Variants in TP53BP1 observed in about 807,000 individuals in gnomAD.
The protein encoded by TP53BP1 is TP53-binding protein 1.
Under a neutral mutation model 200.8 loss-of-function variants are expected in TP53BP1, and 61 were observed. The ratio of observed to expected loss-of-function variants is 0.30; its 90% confidence interval spans 0.25 to 0.38. The LOEUF (loss-of-function observed/expected upper bound fraction) is 0.38, where lower values mean the gene tolerates loss of function less well. Among genes scored for constraint, TP53BP1 ranks in the 10% least tolerant of loss-of-function variants. The pLI is 1.00. For synonymous variants in TP53BP1, 822 were observed against 844.3 expected (o/e 0.97, Z 0.46); for missense variants, 2,144 against 2,371.9 (o/e 0.90, Z 2.00).
intron 1 of TP53BP1, among the ~76,000 whole-genome samples, chr15:43,501,503 C>T (rs564347375): frequency 2.0e-5 from 3 of 152,096 alleles, no homozygotes; most frequent in East Asian, 1.9e-4. Flanking sequence ...CATGGGCCAC[C>T]GTGCTTGGCC....
chr15:43,446,329 T>C, intron 14 of TP53BP1, 58 bp downstream of exon 14: 2 of 1,301,426 alleles, frequency 1.5e-6, no homozygotes, highest in African/African-American at 1.5e-5. Flanking sequence ...TAGATTATAA[T>C]CAATACTCCC....
At chr15:43,413,912 CAT>C in intron 23 of TP53BP1, 1 of 343,272 alleles carries the variant, frequency 2.9e-6, no homozygotes, top group Admixed American at 4.6e-5. Flanking sequence ...TGTTTTTACA[CAT>C]AGATGGTGCC....
rs976239551 is a variant in TP53BP1, at chr15:43,408,788, A to G, written c.5600+109T>C. On this transcript the variant is annotated intron_variant, in intron 26 of 27. Transcript: ENST00000382044. ...TTTCAAACCCACTCAAATTTATCCC[A>G]CAGACATTCCAATTTCTAGAAAGCT... The G allele has an allele frequency of 7.2e-6, 8 of 1,114,412 alleles. No individual in the cohort carries two copies. The Admixed American group carries it at 1.7e-4, about 23-fold the overall frequency. The allele number at this position is 1,114,412 out of a possible 1,614,324, so 69.0% of individuals were successfully genotyped here.
At chr15:43,501,696 A>G (rs896997297) in intron 1 of TP53BP1, among the ~76,000 whole-genome samples, 3 of 152,206 alleles carry the variant, frequency 2.0e-5, no homozygotes, top group African/African-American at 7.2e-5. Context: ...ATACTATTTT[A>G]TATAAATGGA....
Position 43,447,463 on chromosome 15 carries a change from C to T in TP53BP1, c.2739G>A (p.Leu913=). 1 of 1,190,182 alleles carries T rather than the reference C, an allele frequency of 8.4e-7. No individual in the cohort carries two copies. Among genetic ancestry groups the T allele is most frequent in the South Asian group, 1.9e-5 (1 of 53,446 alleles). The allele number at this position is 1,190,182 out of a possible 1,614,324, so 73.7% of individuals were successfully genotyped here. A position where few individuals can be genotyped will look rare whatever the true frequency, so the allele number is the denominator to read the frequency against. Reference sequence around the variant, plus strand: ...GTGGGATGATATCACCTTCTTTAGGCAAAGTGAAATGAAATGGGGTTTCTG... The same window carrying T: ...GTGGGATGATATCACCTTCTTTAGGTAAAGTGAAATGAAATGGGGTTTCTG... ...SSSETPFHFT[L]PKEGDIIPPL... The change falls in exon 13 of 28, where the codon TTG becomes TTA. Residue 913 remains leucine, a synonymous_variant. Transcript: ENST00000382044.
At chr15:43,420,940 C>T in intron 20 of TP53BP1, 85 bp downstream of exon 20, 1 of 1,511,652 alleles carries the variant, frequency 6.6e-7, no homozygotes, top group Non-Finnish European at 8.9e-7. Context: ...TCCCTCCTGA[C>T]ACCCCACAAA....
Position 43,432,343 on chromosome 15 carries a change from T to A in TP53BP1, c.3526A>T (p.Thr1176Ser). 6.2e-7 allele frequency: 1 copy of A among 1,614,182 alleles called. No homozygotes were observed. Among genetic ancestry groups the A allele is most frequent in the Non-Finnish European group, 8.5e-7 (1 of 1,180,024 alleles). The change falls in exon 17 of 28, where the codon ACC becomes TCC. Residue 1176 changes from threonine (T) to serine (S), a missense_variant. By Grantham distance (58) the Thr-to-Ser change is moderately conservative. Around this residue, in one of 4 missense-constraint regions of TP53BP1, gnomAD observed 1,700 missense variants for 1,710.3 expected, o/e 0.99. Coordinates refer to ENST00000382044, the MANE Select transcript of TP53BP1 (RefSeq NM_001141980.3). ...TCACACACATTCTTTATAGTCTGGG[T>A]TGCTGCTGAAACAGTTTCTGGGACC... ...LRVPETVSAA[T>S]QTIKNVCEQG... is the part of the protein sequence containing the mutation.
intron 23 of TP53BP1, chr15:43,414,032 G>GA (rs893546783): frequency 1.5e-4 from 66 of 440,246 alleles, no homozygotes; most frequent in Admixed American, 3.1e-4. Context: ...AAGTCCTTGA[G>GA]AAAAAAAACA....
intron 15 of TP53BP1, among the ~76,000 whole-genome samples, chr15:43,438,727 G>GAAA (rs2045856763): frequency 5.2e-5 from 1 of 19,312 alleles, no homozygotes; most frequent in Non-Finnish European, 7.1e-5. Context: ...CAAGCAAGAG[G>GAAA]CAAAAAAAAA....
chr15:43,485,575 T>TAAAAAAA (rs1406096738), intron 4 of TP53BP1, among the ~76,000 whole-genome samples: 1 of 1,512 alleles, frequency 6.6e-4, no homozygotes. Flanking sequence ...AGACGCCGTC[T>TAAAAAAA]CAAAAAAAAA....
intron 16 of TP53BP1, among the ~76,000 whole-genome samples, chr15:43,437,515 C>A (rs771791792): frequency 4.0e-5 from 6 of 151,750 alleles, no homozygotes; most frequent in Non-Finnish European, 7.4e-5. Flanking sequence ...GCTTGTGGTC[C>A]TAGCTACTTG....
chr15:43,488,079 G>A (rs2079070664), intron 4 of TP53BP1, among the ~76,000 whole-genome samples: 1 of 152,174 alleles, frequency 6.6e-6, no homozygotes, highest in African/African-American at 2.4e-5. Context: ...CAGGAGGATT[G>A]CTTGAGCCCA....
intron 21 of TP53BP1, chr15:43,416,696 T>C (rs1407244080): frequency 3.5e-6 from 1 of 284,704 alleles, no homozygotes; most frequent in Admixed American, 4.9e-5. Flanking sequence ...GGATTGCTGG[T>C]GGTTCAAATG....
Position 43,432,744 on chromosome 15 carries a change from CGTGTGCAT to C in TP53BP1, c.3192-75_3192-68del. 4 of 1,480,104 alleles carry C rather than the reference CGTGTGCAT, an allele frequency of 2.7e-6. No homozygotes were observed. The African/African-American group carries it at 5.6e-5, about 21-fold the overall frequency. The allele number at this position is 1,480,104 out of a possible 1,614,324, so 91.7% of individuals were successfully genotyped here. On this transcript the variant is annotated intron_variant, in intron 16 of 27. Transcript: ENST00000382044. ...GTGTATGTGTGAACGTGTGTGTGTGCGTGTGCATGTGTGTGTGTAGTGGCAAGGGGGGA... is the reference window on the plus strand; with the variant it reads ...GTGTATGTGTGAACGTGTGTGTGTGCGTGTGTGTGTAGTGGCAAGGGGGGA...
At chr15:43,498,379 C>T (rs2079192209) in intron 1 of TP53BP1, among the ~76,000 whole-genome samples, 1 of 152,162 alleles carries the variant, frequency 6.6e-6, no homozygotes, top group Non-Finnish European at 1.5e-5. Context: ...AACAAAAAGC[C>T]ATCTGTGTCA....
chr15:43,498,586 G>A (rs1488121136), intron 1 of TP53BP1, among the ~76,000 whole-genome samples: 1 of 152,170 alleles, frequency 6.6e-6, no homozygotes, highest in African/African-American at 2.4e-5. Context: ...GACAATCAAA[G>A]TCTCAAGAAA....
rs1233943643 is a variant in TP53BP1 at position 43,415,604 on chromosome 15, T to G, written c.5079A>C (p.Thr1693=). 1.8e-5 allele frequency: 29 copies of G among 1,614,086 alleles called. No homozygotes were observed. Among genetic ancestry groups the G allele is most frequent in the Non-Finnish European group, 2.5e-5 (29 of 1,180,024 alleles). Reference sequence around the variant, plus strand: ...AAAAGGAGCACTTACCAGGTTTTACTGTGGCAGACTTGCGACCTCGCTTGG... The same window carrying G: ...AAAAGGAGCACTTACCAGGTTTTACGGTGGCAGACTTGCGACCTCGCTTGG... The part of the protein sequence containing the change: ...SPAKRGRKSA[T]VKPGAVGAGE... Residue 1693 remains threonine (T), a synonymous_variant, in exon 23 of 28, where the codon ACA becomes ACC. Coordinates refer to ENST00000382044, the MANE Select transcript of TP53BP1 (RefSeq NM_001141980.3).
At chr15:43,499,348 C>G (rs2079198036) in intron 1 of TP53BP1, among the ~76,000 whole-genome samples, 1 of 152,104 alleles carries the variant, frequency 6.6e-6, no homozygotes, top group Non-Finnish European at 1.5e-5. Context: ...AATCTGTACA[C>G]CAAACCCCGT....
chr15:43,438,467 C>T, intron 15 of TP53BP1, 51 bp from the exon 16 acceptor site: 2 of 1,479,184 alleles, frequency 1.4e-6, no homozygotes, highest in Non-Finnish European at 9.3e-7. Flanking sequence ...AAGAAAAGTA[C>T]TTTTGGAGAT....
Sources: allele counts gnomAD v4.1 joint callset (sites outside exome capture counted in the v4.1 genomes callset), GRCh38; gene constraint gnomAD v4.1.1; regional missense constraint gnomAD v4.1.1; transcripts MANE v1.5; gene names NCBI Gene and HGNC (gene_info 2026-07-23, HGNC 2026-07-21).